The following PDK1 variants were observed in gnomAD, a reference collection of about 807,000 sequenced individuals.
PDK1 encodes pyruvate dehydrogenase kinase 1.
Under a neutral mutation model 54.2 loss-of-function variants are expected in PDK1, and 39 were observed. The observed-to-expected ratio is 0.72, with a 90% CI of 0.56 to 0.94. The LOEUF (loss-of-function observed/expected upper bound fraction) is 0.94. Ranked by LOEUF, PDK1 falls within the 40% of genes least tolerant of loss-of-function variation. The pLI is 0.00. For synonymous variants in PDK1, 221 were observed against 207.1 expected (o/e 1.07, Z -0.58); for missense variants, 552 against 566.0 (o/e 0.98, Z 0.25).
At chr2:172,698,168 T>C in the PDK1 span, among the ~76,000 whole-genome samples, 1 of 152,214 alleles carries the variant, frequency 6.6e-6, no homozygotes, top group Non-Finnish European at 1.5e-5. Flanking sequence ...ATTCTGGTTT[T>C]GTGTATCTAC....
chr2:172,556,399 TG>T, intron 1 of PDK1, 53 bp downstream of exon 1: 1 of 1,286,420 alleles, frequency 7.8e-7, no homozygotes, highest in Non-Finnish European at 1.0e-6. Context: ...GGCGGGGAGC[TG>T]CGGCCGCTGC....
chr2:172,606,281 T>C lies in PDK1; in HGVS notation c.*10312T>C, dbSNP rs2149323120. 6.6e-6 allele frequency: 1 copy of C among 152,326 alleles called. No individual in the cohort carries two copies. Among genetic ancestry groups the C allele is most frequent in the Middle Eastern group, 3.4e-3 (1 of 294 alleles). The allele number at this position is 152,326 out of a possible 1,614,324, so 9.4% of individuals were successfully genotyped here. ...GCAAAGCCAATTTGCCTGCATCCTC[T>C]GGAAGGTAAAGAAGATCTCCTCTCT... On this transcript the variant is annotated 3_prime_UTR_variant, in exon 11 of 11. Coordinates refer to ENST00000282077, the MANE Select transcript of PDK1 (RefSeq NM_002610.5).
chr2:172,660,249 T>TTTA, the PDK1 span, among the ~76,000 whole-genome samples: 1 of 75,130 alleles, frequency 1.3e-5, no homozygotes, highest in Non-Finnish European at 2.3e-5. Flanking sequence ...CTCTCTCTCT[T>TTTA]TTTTTTTTTT....
the PDK1 span, among the ~76,000 whole-genome samples, chr2:172,659,368 T>C: frequency 1.3e-5 from 2 of 152,238 alleles, no homozygotes; most frequent in Admixed American, 1.3e-4. Flanking sequence ...TTCTCACATA[T>C]TCATAATTTA....
At chr2:172,642,039 T>C in the PDK1 span, among the ~76,000 whole-genome samples, 1 of 152,078 alleles carries the variant, frequency 6.6e-6, no homozygotes, top group Non-Finnish European at 1.5e-5. Context: ...CAAAAGAAAG[T>C]TAGAGATGTT....
chr2:172,581,477 A>G (rs1689906757), intron 8 of PDK1, among the ~76,000 whole-genome samples: 1 of 152,230 alleles, frequency 6.6e-6, no homozygotes, highest in Non-Finnish European at 1.5e-5. Context: ...GAAGCCTGCT[A>G]TGTTAATTAT....
intron 8 of PDK1, among the ~76,000 whole-genome samples, chr2:172,578,190 G>A (rs1689680709): frequency 6.6e-6 from 1 of 152,172 alleles, no homozygotes. Context: ...GAAATCAGCT[G>A]TTACAATCTT....
the PDK1 span, among the ~76,000 whole-genome samples, chr2:172,699,635 C>T: frequency 0.01 from 1,591 of 152,132 alleles, 26 homozygotes; most frequent in African/African-American, 0.035. Flanking sequence ...TTCCTGCTGT[C>T]TAGCATAGCA....
the PDK1 span, among the ~76,000 whole-genome samples, chr2:172,698,935 C>A: frequency 7.9e-5 from 12 of 152,126 alleles, no homozygotes; most frequent in African/African-American, 2.9e-4. Flanking sequence ...GTAAGAGAAG[C>A]TGATGCCAGA....
At chr2:172,571,046 T>G (rs1689225034) in intron 8 of PDK1, among the ~76,000 whole-genome samples, 1 of 152,200 alleles carries the variant, frequency 6.6e-6, no homozygotes. Context: ...GTGATTCAAG[T>G]TAAAATAAAT....
chr2:172,678,586 T>TAAACCA, the PDK1 span, among the ~76,000 whole-genome samples: 1 of 152,206 alleles, frequency 6.6e-6, no homozygotes, highest in African/African-American at 2.4e-5. Flanking sequence ...CTTTTTGATA[T>TAAACCA]AAACCAAAAT....
intron 9 of PDK1, among the ~76,000 whole-genome samples, chr2:172,587,008 A>G (rs1369326029): frequency 6.6e-6 from 1 of 152,174 alleles, no homozygotes; most frequent in African/African-American, 2.4e-5. Flanking sequence ...GAAGAACTCT[A>G]TTCTTCTAGG....
At chr2:172,718,420 A>G in the PDK1 span, among the ~76,000 whole-genome samples, 2 of 152,370 alleles carry the variant, frequency 1.3e-5, no homozygotes, top group East Asian at 3.9e-4. Context: ...ATATAAAAAT[A>G]TGCATGTTAT....
chr2:172,641,165 T>C, the PDK1 span, among the ~76,000 whole-genome samples: 1 of 143,888 alleles, frequency 6.9e-6, no homozygotes, highest in Non-Finnish European at 1.5e-5. Context: ...AGTCTTGCTC[T>C]GTTTCCCAGG....
chr2:172,569,467 G>T (rs1689132906), intron 7 of PDK1, among the ~76,000 whole-genome samples: 1 of 152,094 alleles, frequency 6.6e-6, no homozygotes, highest in Non-Finnish European at 1.5e-5. Flanking sequence ...GAGGAGTGAG[G>T]GGCACAGGTC....
At chr2:172,622,674 CATATATT>C in the PDK1 span, among the ~76,000 whole-genome samples, 5 of 118,352 alleles carry the variant, frequency 4.2e-5, no homozygotes, top group Non-Finnish European at 3.8e-5. Context: ...GTTTATATCT[CATATATT>C]ATGTGAGATA....
the PDK1 span, among the ~76,000 whole-genome samples, chr2:172,703,695 C>CA: frequency 6.6e-6 from 1 of 151,410 alleles, no homozygotes; most frequent in African/African-American, 2.4e-5. Flanking sequence ...TCTAACTCCT[C>CA]ACACTTTGTG....
the PDK1 span, among the ~76,000 whole-genome samples, chr2:172,617,715 C>A: frequency 1.3e-5 from 2 of 152,178 alleles, no homozygotes; most frequent in African/African-American, 2.4e-5. Context: ...GATTAAGCTT[C>A]CAACACATGA....
the PDK1 span, among the ~76,000 whole-genome samples, chr2:172,622,728 ATC>A: frequency 4.8e-5 from 7 of 145,786 alleles, no homozygotes; most frequent in South Asian, 4.4e-4. Flanking sequence ...ATATGTTTAT[ATC>A]TCATATTATG....
Sources: gnomAD v4.1 joint callset for allele counts (sites outside exome capture counted in the v4.1 genomes callset) on GRCh38, gnomAD v4.1.1 for gene constraint, MANE v1.5 for transcripts, NCBI Gene and HGNC (gene_info 2026-07-23, HGNC 2026-07-21) for gene names.